The following DTNA variants were observed in gnomAD, a reference collection of about 807,000 sequenced individuals.
DTNA encodes dystrophin-related protein 3.
Under a neutral mutation model 100.7 loss-of-function variants are expected in DTNA, and 43 were observed. The ratio of observed to expected loss-of-function variants is 0.43; its 90% CI spans 0.33 to 0.55. DTNA has a LOEUF of 0.55. DTNA is among the 20% of genes least tolerant of loss of function. DTNA has a pLI of 0.04. For missense variants in DTNA, 798 were observed against 953.9 expected, an observed-to-expected ratio of 0.84 and a Z score of 2.15; for synonymous variants, 349 against 347.9, an observed-to-expected ratio of 1.00 and a Z score of -0.04.
rs146079758 is a variant in DTNA at position 34,546,377 on chromosome 18, G to A, written c.-2+52863G>A. On this transcript the variant is annotated intron_variant, in intron 1 of 19. Transcript: ENST00000283365. The stretch of plus-strand genomic sequence containing the variant: ...CATGGAGATCTGCCCTATCAAGTGA[G>A]CCCAATCAGTATAGTACTGAAACTC... Among the ~76,000 whole-genome samples, 23 of 152,178 alleles carry A rather than the reference G, an allele frequency of 1.5e-4. No individual in the cohort carries two copies. The East Asian group carries it at 4.5e-3, about 30-fold the overall frequency.
At chr18:34,747,230 A>G (rs1008560597) in intron 1 of DTNA, among the ~76,000 whole-genome samples, 2 of 152,188 alleles carry the variant, frequency 1.3e-5, no homozygotes, top group Non-Finnish European at 2.9e-5. Flanking sequence ...AAAGCAGCAT[A>G]AGAATTCCAA....
At position 34,826,972 on chromosome 18, in the gene DTNA, A is replaced by G. The variant is rs17668615; in HGVS notation, c.1002-621A>G. On this transcript the variant is annotated intron_variant, in intron 9 of 22. Transcript: ENST00000444659. ...TGTTTTCCTTCTCTTATCATAAGAA[A>G]ACAAGTGAAGCTTATGGGATGCTGT... 2.7e-3 allele frequency among the ~76,000 whole-genome samples: 414 copies of G among 152,332 alleles called. 9 individuals carry two copies. In the East Asian group the frequency reaches 0.039, roughly 14 times the overall value.
intron 1 of DTNA, among the ~76,000 whole-genome samples, chr18:34,575,592 G>A (rs2048035962): frequency 6.6e-6 from 1 of 151,918 alleles, no homozygotes; most frequent in Admixed American, 6.6e-5. Flanking sequence ...CTTTACCTTT[G>A]TATAAAAGTA....
At chr18:34,551,183 C>T (rs974423608) in intron 1 of DTNA, among the ~76,000 whole-genome samples, 7 of 152,138 alleles carry the variant, frequency 4.6e-5, no homozygotes, top group African/African-American at 2.4e-5. Context: ...TGTTTTAGCT[C>T]GCCTATCTTA....
intron 1 of DTNA, among the ~76,000 whole-genome samples, chr18:34,501,997 C>T (rs1009354870): frequency 5.3e-5 from 8 of 152,192 alleles, no homozygotes; most frequent in African/African-American, 1.9e-4. Context: ...AAAGTCCTAT[C>T]TCTAATAGAG....
intron 1 of DTNA, among the ~76,000 whole-genome samples, chr18:34,593,874 C>T (rs1281758942): frequency 6.6e-6 from 1 of 152,010 alleles, no homozygotes; most frequent in Non-Finnish European, 1.5e-5. Flanking sequence ...TCTATTATGC[C>T]ATTGGATGAA....
intron 13 of DTNA, among the ~76,000 whole-genome samples, chr18:34,842,828 T>G (rs185398890): frequency 1.3e-5 from 2 of 152,134 alleles, no homozygotes; most frequent in Admixed American, 6.6e-5. Context: ...GCAGTCATTG[T>G]TTGGTTGGTT....
At chr18:34,632,073 TTC>T (rs991016042) in intron 1 of DTNA, among the ~76,000 whole-genome samples, 3 of 152,188 alleles carry the variant, frequency 2.0e-5, no homozygotes, top group African/African-American at 7.2e-5. Flanking sequence ...TATAATTTAT[TTC>T]TGTTTTTCTT....
intron 3 of DTNA, among the ~76,000 whole-genome samples, chr18:34,766,965 A>C (rs2226901): frequency 0.92 from 139,882 of 152,088 alleles, 65,445 homozygotes; most frequent in East Asian, 1. Flanking sequence ...GATCACTAGT[A>C]ACAATGAGCA....
At chr18:34,733,994 C>T (rs1368687226) in intron 1 of DTNA, among the ~76,000 whole-genome samples, 2 of 152,212 alleles carry the variant, frequency 1.3e-5, no homozygotes, top group African/African-American at 4.8e-5. Context: ...TATCCCACAC[C>T]TTTAAAATCC....
At chr18:34,765,797 TC>T in intron 2 of DTNA, 163 bp from the exon 3 acceptor site, 1 of 633,932 alleles carries the variant, frequency 1.6e-6, no homozygotes, top group Non-Finnish European at 2.7e-6. Context: ...GAGGAACTTG[TC>T]CTTGAATAGG....
chr18:34,556,320 C>A (rs377566710), intron 1 of DTNA, among the ~76,000 whole-genome samples: 5 of 152,260 alleles, frequency 3.3e-5, no homozygotes, highest in South Asian at 2.1e-4. Flanking sequence ...TTGACTCTTT[C>A]TCCAATTTGC....
Position 34,696,589 on chromosome 18 carries a change from A to C in DTNA, c.-1-59387A>C, listed in dbSNP as rs191261919. Among the ~76,000 whole-genome samples, 3 of 152,300 alleles carry C rather than the reference A, an allele frequency of 2.0e-5. No homozygotes were observed. The East Asian group carries it at 5.8e-4, about 29-fold the overall frequency. On this transcript the variant is annotated intron_variant, in intron 1 of 19. Coordinates refer to the DTNA transcript ENST00000283365. ...GAGACTCCATCTCAAAAAATAAAAAAATAAAAATAAGGTAAAGGAATGGCA... is the reference window on the plus strand; with the variant it reads ...GAGACTCCATCTCAAAAAATAAAAACATAAAAATAAGGTAAAGGAATGGCA...
Position 34,514,431 on chromosome 18 carries a change from G to A in DTNA, c.-2+20917G>A, listed in dbSNP as rs529124725. On this transcript the variant is annotated intron_variant, in intron 1 of 19. Transcript: ENST00000283365. ...ACAATGCTGACACTGCTGACCCAGG[G>A]ACCAAACTTTAAGAGTCATCGATAT... 3.9e-5 allele frequency among the ~76,000 whole-genome samples: 6 copies of A among 152,156 alleles called. No homozygotes were observed. In the East Asian group the frequency reaches 1.2e-3, roughly 29 times the overall value.
At chr18:34,568,695 C>T (rs1405203510) in intron 1 of DTNA, among the ~76,000 whole-genome samples, 2 of 152,162 alleles carry the variant, frequency 1.3e-5, no homozygotes, top group Non-Finnish European at 2.9e-5. Flanking sequence ...ACGATCTTGG[C>T]TCATTGCAAC....
chr18:34,627,780 C>T (rs1035207779), intron 1 of DTNA, among the ~76,000 whole-genome samples: 4 of 152,274 alleles, frequency 2.6e-5, no homozygotes, highest in African/African-American at 9.6e-5. Context: ...AGCCCAGCCT[C>T]TCTTTTGAAT....
intron 1 of DTNA, among the ~76,000 whole-genome samples, chr18:34,616,433 T>C (rs1344435051): frequency 6.6e-6 from 1 of 152,178 alleles, no homozygotes; most frequent in East Asian, 1.9e-4. Flanking sequence ...ACCCACAGAA[T>C]GGTATACAAT....
intron 1 of DTNA, among the ~76,000 whole-genome samples, chr18:34,646,780 T>G (rs546539737): frequency 5.3e-5 from 8 of 152,260 alleles, no homozygotes; most frequent in African/African-American, 1.4e-4. Flanking sequence ...CGATCTTGGC[T>G]CACTGCGACC....
intron 1 of DTNA, among the ~76,000 whole-genome samples, chr18:34,651,566 A>G (rs1246104398): frequency 1.3e-5 from 2 of 152,228 alleles, no homozygotes; most frequent in South Asian, 4.1e-4. Flanking sequence ...CTTAATTAAT[A>G]TTCCAGGCAT....
Sources: gnomAD v4.1 joint callset for allele counts (sites outside exome capture counted in the v4.1 genomes callset) on GRCh38, gnomAD v4.1.1 for gene constraint, MANE v1.5 for transcripts, NCBI Gene and HGNC (gene_info 2026-07-23, HGNC 2026-07-21) for gene names.